CCBE1: variants seen among roughly 807,000 people sequenced by gnomAD.
The protein encoded by CCBE1 is collagen and calcium binding EGF domains 1, also known as collagen and calcium-binding EGF domain-containing protein 1.
A neutral mutation model predicts 50.0 loss-of-function variants in CCBE1; 37 were observed. That is an observed-to-expected ratio of 0.74 (90% CI 0.57 to 0.97). The LOEUF (loss-of-function observed/expected upper bound fraction) is 0.97. Among genes scored for constraint, CCBE1 ranks in the 50% least tolerant of loss-of-function variants. The pLI is 0.00. For missense variants in CCBE1, 538 were observed against 523.8 expected, an observed-to-expected ratio of 1.03 and a Z score of -0.26; for synonymous variants, 234 against 203.7, an observed-to-expected ratio of 1.15 and a Z score of -1.27.
Position 59,466,867 on chromosome 18 carries a change from T to C in CCBE1, c.425A>G (p.Asn142Ser). ...CLDIDECASS[N>S]GTLCAHICIN... The stretch of plus-strand genomic sequence containing the variant: ...GCAGATGTGGGCACACAGCGTCCCA[T>C]TGCTGCTGGCACACTCATCAATATC... Residue 142 changes from asparagine (N) to serine (S), a missense_variant, in exon 5 of 11, where the codon AAT becomes AGT. By Grantham distance (46) the Asn-to-Ser change is conservative (BLOSUM62 1). Transcript: ENST00000439986. The C allele has an allele frequency of 1.2e-6, 2 of 1,613,288 alleles. No individual in the cohort carries two copies. Among genetic ancestry groups the C allele is most frequent in the Non-Finnish European group, 1.7e-6 (2 of 1,179,636 alleles).
chr18:59,607,057 G>GA (rs59954169), intron 2 of CCBE1, among the ~76,000 whole-genome samples: 4,281 of 117,230 alleles, frequency 0.037, 165 homozygotes, highest in African/African-American at 0.096. Context: ...GTTGAATTGG[G>GA]AAAAAAAAAA....
intron 2 of CCBE1, among the ~76,000 whole-genome samples, chr18:59,646,542 C>T (rs2054057321): frequency 6.6e-6 from 1 of 152,190 alleles, no homozygotes; most frequent in African/African-American, 2.4e-5. Flanking sequence ...TAATTCTTCT[C>T]AACTTGGGAA....
chr18:59,539,420 TG>T (rs2144376804), intron 2 of CCBE1, among the ~76,000 whole-genome samples: 2 of 152,264 alleles, frequency 1.3e-5, no homozygotes, highest in South Asian at 4.1e-4. Flanking sequence ...CATATGAGCC[TG>T]GAAGCAAATC....
intron 2 of CCBE1, among the ~76,000 whole-genome samples, chr18:59,655,100 A>AT (rs61226931): frequency 2.0e-5 from 3 of 151,086 alleles, no homozygotes; most frequent in African/African-American, 7.3e-5. Flanking sequence ...AAAAAAAAAA[A>AT]GCCCAGAGAA....
At chr18:59,688,886 G>A (rs2054692817) in intron 2 of CCBE1, among the ~76,000 whole-genome samples, 1 of 152,144 alleles carries the variant, frequency 6.6e-6, no homozygotes, top group Non-Finnish European at 1.5e-5. Context: ...CCGTCCCAAG[G>A]TCACCTTGAG....
At chr18:59,658,511 T>G (rs1203510480) in intron 2 of CCBE1, among the ~76,000 whole-genome samples, 3 of 143,576 alleles carry the variant, frequency 2.1e-5, no homozygotes. Flanking sequence ...AAGGCTGCAG[T>G]GAGCTGTGAT....
At chr18:59,460,350 G>A (rs560966457) in intron 5 of CCBE1, among the ~76,000 whole-genome samples, 24 of 152,310 alleles carry the variant, frequency 1.6e-4, no homozygotes, top group Admixed American at 5.2e-4. Flanking sequence ...GGAAAACCAA[G>A]GAGGAAGAGA....
intron 2 of CCBE1, among the ~76,000 whole-genome samples, chr18:59,670,734 G>A (rs1423961261): frequency 6.6e-6 from 1 of 152,072 alleles, no homozygotes; most frequent in Non-Finnish European, 1.5e-5. Context: ...GATCACCTGA[G>A]GTCAGGAGTT....
chr18:59,689,767 G>T (rs2054704774), intron 2 of CCBE1, among the ~76,000 whole-genome samples: 1 of 152,160 alleles, frequency 6.6e-6, no homozygotes, highest in Non-Finnish European at 1.5e-5. Context: ...CACATCACAG[G>T]TCACATGAGA....
At chr18:59,655,639 C>T (rs1464609143) in intron 2 of CCBE1, among the ~76,000 whole-genome samples, 3 of 152,172 alleles carry the variant, frequency 2.0e-5, no homozygotes, top group Non-Finnish European at 4.4e-5. Context: ...TCCAATAAAA[C>T]TTTACTTACA....
chr18:59,687,116 A>G (rs1235273129), intron 2 of CCBE1, among the ~76,000 whole-genome samples: 1 of 152,230 alleles, frequency 6.6e-6, no homozygotes, highest in Non-Finnish European at 1.5e-5. Context: ...AAATTCCAAA[A>G]TGAAGCAAGG....
At chr18:59,620,403 G>T (rs2053696943) in intron 2 of CCBE1, among the ~76,000 whole-genome samples, 1 of 152,172 alleles carries the variant, frequency 6.6e-6, no homozygotes, top group African/African-American at 2.4e-5. Flanking sequence ...CTGCCCTGAA[G>T]CCCTCAAGAG....
Position 59,431,309 on chromosome 18 carries a change from A to G in CCBE1, c.*4599T>C, listed in dbSNP as rs1909939059. ...ATTTTTGACTTGTTGTGAGATATAA[A>G]TATTGACTATGCCAGGAAAAAATTC... On this transcript the variant is annotated 3_prime_UTR_variant, in exon 11 of 11. Transcript: ENST00000439986. 1 of 152,218 alleles carries G rather than the reference A, an allele frequency of 6.6e-6. No homozygotes were observed. The highest frequency in any genetic ancestry group is 1.5e-5 in the Non-Finnish European group (1 of 68,032). The allele number at this position is 152,218 out of a possible 1,614,324, so 9.4% of individuals were successfully genotyped here.
intron 2 of CCBE1, among the ~76,000 whole-genome samples, chr18:59,634,621 T>C (rs2053893087): frequency 1.3e-5 from 2 of 152,140 alleles, no homozygotes; most frequent in South Asian, 4.1e-4. Context: ...AGAAATAGCA[T>C]ACCCAAGGAT....
intron 2 of CCBE1, among the ~76,000 whole-genome samples, chr18:59,659,297 T>TG (rs370956768): frequency 4.7e-5 from 7 of 149,490 alleles, no homozygotes; most frequent in African/African-American, 1.7e-4. Flanking sequence ...ATTTACATGT[T>TG]TTTTTTTTTT....
chr18:59,491,011 A>G (rs576767957), intron 2 of CCBE1, among the ~76,000 whole-genome samples: 1 of 152,328 alleles, frequency 6.6e-6, no homozygotes, highest in South Asian at 2.1e-4. Context: ...TGGCAGCAAT[A>G]TGGTTCACTG....
chr18:59,489,988 T>TTTC (rs1555683016), intron 2 of CCBE1, among the ~76,000 whole-genome samples: 1 of 16,430 alleles, frequency 6.1e-5, no homozygotes, highest in Non-Finnish European at 1.0e-4. Flanking sequence ...GCATAAGGAG[T>TTTC]TTTTTTTTTT....
At chr18:59,453,030 T>C (rs1911016024) in intron 6 of CCBE1, among the ~76,000 whole-genome samples, 1 of 152,230 alleles carries the variant, frequency 6.6e-6, no homozygotes, top group African/African-American at 2.4e-5. Flanking sequence ...GTTTCTCCAC[T>C]TCTTTATTTT....
intron 2 of CCBE1, among the ~76,000 whole-genome samples, chr18:59,571,347 A>G (rs1205350168): frequency 1.3e-5 from 2 of 152,116 alleles, no homozygotes; most frequent in Middle Eastern, 3.2e-3. Flanking sequence ...TGAAGCTGGA[A>G]ACCATCATTC....
Sources: gnomAD v4.1 joint callset for allele counts (sites outside exome capture counted in the v4.1 genomes callset) on GRCh38, gnomAD v4.1.1 for gene constraint, MANE v1.5 for transcripts, NCBI Gene and HGNC (gene_info 2026-07-23, HGNC 2026-07-21) for gene names.